The following DOCK8 variants were observed in gnomAD, a reference collection of about 807,000 sequenced individuals.
The protein encoded by DOCK8 is dedicator of cytokinesis 8.
Under a neutral mutation model 245.6 loss-of-function variants are expected in DOCK8, and 141 were observed. That is an observed-to-expected ratio of 0.57 (90% CI 0.50 to 0.66). The LOEUF (loss-of-function observed/expected upper bound fraction) is 0.66, where lower values mean the gene tolerates loss of function less well. Among genes scored for constraint, DOCK8 ranks in the 30% least tolerant of loss-of-function variants. DOCK8 has a pLI of 0.00. For missense variants in DOCK8, 2,965 were observed against 2,603.4 expected, an observed-to-expected ratio of 1.14 and a Z score of -3.02; for synonymous variants, 1,168 against 970.2, an observed-to-expected ratio of 1.20 and a Z score of -3.79.
intron 1 of DOCK8, among the ~76,000 whole-genome samples, chr9:268,968 AT>A (rs1433246893): frequency 1.3e-5 from 2 of 152,200 alleles, no homozygotes; most frequent in Admixed American, 6.5e-5. Flanking sequence ...TGGAGACAAA[AT>A]CTGAGGTTAT....
intron 44 of DOCK8, 130 bp from the exon 45 acceptor site, chr9:449,654 T>A: frequency 8.4e-7 from 1 of 1,185,154 alleles, no homozygotes; most frequent in African/African-American, 1.5e-5. Context: ...TAAGAGTATT[T>A]TAAATTACTC....
At chr9:326,206 G>C (rs12350289) in intron 8 of DOCK8, among the ~76,000 whole-genome samples, 1 of 152,148 alleles carries the variant, frequency 6.6e-6, no homozygotes, top group Non-Finnish European at 1.5e-5. Flanking sequence ...AAGACCTCTC[G>C]TGTGTTTTTA....
In DOCK8 at chr9:304,270, G is replaced by A. The variant is rs75958334; in HGVS notation, c.405-311G>A. On this transcript the variant is annotated intron_variant, in intron 4 of 47. Coordinates refer to ENST00000432829, the MANE Select transcript of DOCK8 (RefSeq NM_203447.4). ...ATTTATTCCAGCCACTTACACTAGG[G>A]TCATAGTTTAGCTTCAGCTCGGAGC... Among the ~76,000 whole-genome samples, 476 of 152,222 alleles carry A rather than the reference G, an allele frequency of 3.1e-3. 5 individuals are homozygous for A. Among genetic ancestry groups the A allele is most frequent in the African/African-American group, 0.011 (441 of 41,518 alleles).
chr9:317,172 T>C, intron 7 of DOCK8, 44 bp downstream of exon 7: 1 of 1,423,196 alleles, frequency 7.0e-7, no homozygotes, highest in Non-Finnish European at 9.9e-7. Flanking sequence ...AGATTTATCT[T>C]GCCTTTTACA....
At chr9:414,539 C>T (rs550323824) in intron 28 of DOCK8, among the ~76,000 whole-genome samples, 89 of 151,666 alleles carry the variant, frequency 5.9e-4, no homozygotes, top group African/African-American at 2.1e-3. Context: ...GCTTGGTTTT[C>T]CAGGGTTAGA....
chr9:267,173 C>T (rs2048054304), intron 1 of DOCK8, among the ~76,000 whole-genome samples: 1 of 152,174 alleles, frequency 6.6e-6, no homozygotes, highest in African/African-American at 2.4e-5. Flanking sequence ...TACGCTCTGT[C>T]TGCACACTAT....
rs771190987 is a variant in DOCK8, at chr9:376,321, G to A, written c.2205+16G>A. 1.9e-6 allele frequency: 3 copies of A among 1,568,978 alleles called. No homozygotes were observed. The highest frequency in any genetic ancestry group is 2.6e-6 in the Non-Finnish European group (3 of 1,138,846). ...ACACACCCAGGTAAGGAATGTCAAG[G>A]TTAATCATGAAGGTAAAGGTGCAGC... On this transcript the variant is annotated intron_variant, in intron 19 of 47. Transcript: ENST00000432829.
At chr9:443,081 G>C (rs1486223324) in intron 42 of DOCK8, among the ~76,000 whole-genome samples, 1 of 152,172 alleles carries the variant, frequency 6.6e-6, no homozygotes, top group East Asian at 1.9e-4. Context: ...TGTGCACTGT[G>C]ATTTGCCACA....
At chr9:243,980 C>G (rs1032179720) in intron 1 of DOCK8, among the ~76,000 whole-genome samples, 7 of 151,958 alleles carry the variant, frequency 4.6e-5, no homozygotes, top group South Asian at 2.1e-4. Context: ...GTCAGGAGAT[C>G]GAGACCATCC....
chr9:419,229 C>A (rs1363633696), intron 30 of DOCK8, among the ~76,000 whole-genome samples: 1 of 152,222 alleles, frequency 6.6e-6, no homozygotes, highest in Non-Finnish European at 1.5e-5. Flanking sequence ...ACTCTTCTTG[C>A]TGGATGACTT....
At chr9:299,744 G>A (rs2049444073) in intron 4 of DOCK8, among the ~76,000 whole-genome samples, 1 of 151,638 alleles carries the variant, frequency 6.6e-6, no homozygotes, top group South Asian at 2.1e-4. Context: ...CATTATGGCC[G>A]GGCGCGGTGG....
At chr9:215,534 C>CACTCGCCTGCTTCATTATTCT in intron 1 of DOCK8, 1 of 1,249,422 alleles carries the variant, frequency 8.0e-7, no homozygotes, top group Non-Finnish European at 1.0e-6. Flanking sequence ...TTCATTATTC[C>CACTCGCCTGCTTCATTATTCT]AGAAAGAGCT....
intron 1 of DOCK8, among the ~76,000 whole-genome samples, chr9:221,315 G>A (rs1252978709): frequency 6.6e-5 from 10 of 152,050 alleles, no homozygotes; most frequent in Admixed American, 2.0e-4. Context: ...AAGGGCAGCC[G>A]GCCCTCTGCA....
chr9:290,073 T>C (rs998942350), intron 4 of DOCK8, among the ~76,000 whole-genome samples: 6 of 152,184 alleles, frequency 3.9e-5, no homozygotes, highest in African/African-American at 1.2e-4. Context: ...TTTTTTTTAT[T>C]GCTGAATAAT....
intron 36 of DOCK8, among the ~76,000 whole-genome samples, chr9:430,665 G>A (rs1374198542): frequency 2.0e-5 from 2 of 101,482 alleles, no homozygotes; most frequent in African/African-American, 3.0e-5. Flanking sequence ...CTGAGACCCT[G>A]TCTCAAAAAA....
chr9:377,360 AT>A lies in DOCK8; in HGVS notation c.2440+159del, dbSNP rs57180068. 0.88 allele frequency: 521,674 copies of A among 595,432 alleles called. 229,680 individuals are homozygous for A. Among genetic ancestry groups the A allele is most frequent in the South Asian group, 0.95 (39,233 of 41,404 alleles). The allele number at this position is 595,432 out of a possible 1,614,324, so 36.9% of individuals were successfully genotyped here. On this transcript the variant is annotated intron_variant, in intron 20 of 47. Transcript: ENST00000432829. ...CTCAAGGGAGGCCAAGTCTTATGCT[AT>A]TTTTTTTTTGAGACTCTCTGCATGT...
Position 304,696 on chromosome 9 carries a change from G to T in DOCK8, c.520G>T (p.Ala174Ser), listed in dbSNP as rs1427947897. 1 of 1,614,104 alleles carries T rather than the reference G, an allele frequency of 6.2e-7. No homozygotes were observed. The highest frequency in any genetic ancestry group is 8.5e-7 in the Non-Finnish European group (1 of 1,179,992). The change falls in exon 5 of 48, where the codon GCT becomes TCT. Residue 174 changes from alanine to serine, a missense_variant. Physicochemically the swap from Ala to Ser is moderately conservative, Grantham distance 99. Transcript: ENST00000432829. ...ESETLECSEP[A>S]AQAGPRHLNV... ...GGAAACCTTGGAGTGCAGTGAACCC[G>T]CTGCTCAGGTATTTCCTGTCAACAA...
intron 14 of DOCK8, among the ~76,000 whole-genome samples, chr9:341,775 C>G (rs1198724635): frequency 6.6e-6 from 1 of 152,176 alleles, no homozygotes; most frequent in Admixed American, 6.5e-5. Context: ...GGCTGCATGG[C>G]AGGAGGTGAG....
chr9:336,679 C>G lies in DOCK8; in HGVS notation c.1383C>G (p.Phe461Leu). The change falls in exon 12 of 48, where the codon TTC (phenylalanine) becomes TTG (leucine). Residue 461 changes from phenylalanine (F) to leucine (L), a missense_variant. Phe to Leu is a conservative substitution (Grantham distance 22, BLOSUM62 0). Around this residue, in one of 3 missense-constraint regions of DOCK8, gnomAD observed 2,825 missense variants for 2,453.5 expected, o/e 1.15. Transcript: ENST00000432829. ...AGGAAAATGGGGTTGGATCCAACTTCAAAACCTCCACTCTGAGCGTTAGCA... is the reference window on the plus strand; with the variant it reads ...AGGAAAATGGGGTTGGATCCAACTTGAAAACCTCCACTCTGAGCGTTAGCA... ...SLEENGVGSN[F>L]KTSTLSVSSF... 1.2e-6 allele frequency: 2 copies of G among 1,614,096 alleles called. No homozygotes were observed. The highest frequency in any genetic ancestry group is 2.2e-5 in the South Asian group (2 of 91,084).
Sources: allele counts gnomAD v4.1 joint callset (sites outside exome capture counted in the v4.1 genomes callset), GRCh38; gene constraint gnomAD v4.1.1; regional missense constraint gnomAD v4.1.1; transcripts MANE v1.5; gene names NCBI Gene and HGNC (gene_info 2026-07-23, HGNC 2026-07-21).